The following FGFR2 variants were observed in gnomAD, a reference collection of about 807,000 sequenced individuals.
FGFR2 encodes BEK fibroblast growth factor receptor.
In FGFR2, 19 loss-of-function variants were observed where a neutral mutation model predicts 95.9. The observed-to-expected ratio is 0.20, with a 90% CI of 0.14 to 0.29. The LOEUF (loss-of-function observed/expected upper bound fraction) is 0.29. FGFR2 is among the 10% of genes least tolerant of loss of function. FGFR2 has a pLI of 1.00. For synonymous variants in FGFR2, 392 were observed against 393.3 expected (o/e 1.00, Z 0.04); for missense variants, 707 against 1,056.9 (o/e 0.67, Z 4.59).
chr10:121,580,110 ACACTGCGCACTTT>A (rs1285535086), intron 2 of FGFR2, among the ~76,000 whole-genome samples: 2 of 152,192 alleles, frequency 1.3e-5, no homozygotes, highest in East Asian at 3.9e-4. Flanking sequence ...AGGCCCTCCC[ACACTGCGCACTTT>A]CTGAATAAAG....
intron 4 of FGFR2, among the ~76,000 whole-genome samples, chr10:121,562,051 AG>A (rs1857060434): frequency 6.6e-6 from 1 of 152,208 alleles, no homozygotes; most frequent in Non-Finnish European, 1.5e-5. Context: ...AATGATGTGG[AG>A]CAACAGGAAC....
Position 121,517,376 on chromosome 10 carries a change from A to G in FGFR2, c.1027T>C (p.Leu343=), listed in dbSNP as rs1278836586. 6.2e-7 allele frequency: 1 copy of G among 1,614,134 alleles called. No individual in the cohort carries two copies. Among genetic ancestry groups the G allele is most frequent in the Non-Finnish European group, 8.5e-7 (1 of 1,180,044 alleles). ...TFEDAGEYTC[L]AGNSIGISFH... The stretch of plus-strand genomic sequence containing the variant: ...GATATCCCAATAGAATTACCCGCCA[A>G]GCACGTATATTCCCCAGCGTCCTCA... The change falls in exon 8 of 18, where the codon TTG becomes CTG. Residue 343 remains leucine (L), a synonymous_variant. Transcript: ENST00000358487. The surrounding 1 kb of genome is among the most constrained non-coding windows in gnomAD (Gnocchi z 4.7).
At chr10:121,566,241 T>C (rs2981449) in intron 2 of FGFR2, among the ~76,000 whole-genome samples, 91,369 of 151,974 alleles carry the variant, frequency 0.6, 27,951 homozygotes, top group African/African-American at 0.71. Flanking sequence ...TTTTTTGCCA[T>C]CCAGAGTTTT....
chr10:121,487,286 G>A (rs1845544755), intron 15 of FGFR2, 68 bp downstream of exon 15: 2 of 1,254,118 alleles, frequency 1.6e-6, no homozygotes, highest in African/African-American at 1.5e-5. Flanking sequence ...AAGGAAGAAA[G>A]GTGAAGTACG....
chr10:121,571,054 T>C (rs879447363), intron 2 of FGFR2, among the ~76,000 whole-genome samples: 6 of 151,758 alleles, frequency 4.0e-5, no homozygotes, highest in Admixed American at 6.6e-5. Flanking sequence ...AGTGGCGCGA[T>C]CTTGGCTCAC....
Position 121,518,183 on chromosome 10 carries a change from A to G in FGFR2, c.940-720T>C. 3.3e-6 allele frequency: 1 copy of G among 301,206 alleles called. No individual in the cohort carries two copies. Among genetic ancestry groups the G allele is most frequent in the Non-Finnish European group, 6.4e-6 (1 of 155,670 alleles). The allele number at this position is 301,206 out of a possible 1,614,324, so 18.7% of individuals were successfully genotyped here. A position where few individuals can be genotyped will look rare whatever the true frequency, so the allele number is the denominator to read the frequency against. ...CATTCATTAAGATGAGCTCCCCTCA[A>G]ATTTGGTGCAACAAGGTCAAGAACA... On this transcript the variant is annotated intron_variant, in intron 7 of 17. Coordinates refer to ENST00000358487, the MANE Select transcript of FGFR2 (RefSeq NM_000141.5). This position sits in a 1 kb window ranked among gnomAD's most constrained non-coding sequence, Gnocchi z 4.0.
At position 121,511,759 on chromosome 10, in the gene FGFR2, TCTC is replaced by T. The variant is rs1849084857; in HGVS notation, c.1287+3355_1287+3357del. Among the ~76,000 whole-genome samples the T allele has an allele frequency of 2.0e-5, 3 of 152,174 alleles. No individual in the cohort carries two copies. In the South Asian group the frequency reaches 6.2e-4, roughly 31 times the overall value. On this transcript the variant is annotated intron_variant, in intron 9 of 17. Coordinates refer to ENST00000358487, the MANE Select transcript of FGFR2 (RefSeq NM_000141.5). ...TGCCTCCCACCACCCAAAAGTTGCT[TCTC>T]CTTCTTCAACCATGTGCATACAAAG...
chr10:121,564,368 G>C (rs536815454), intron 4 of FGFR2, 134 bp downstream of exon 4: 1 of 796,880 alleles, frequency 1.3e-6, no homozygotes, highest in East Asian at 2.5e-5. Context: ...AGTCAGGAAA[G>C]TAGACACAGC....
intron 5 of FGFR2, among the ~76,000 whole-genome samples, chr10:121,548,245 C>CGTTTTT (rs1854827612): frequency 2.1e-5 from 1 of 46,668 alleles, no homozygotes; most frequent in Non-Finnish European, 4.1e-5. Context: ...CGCTTTTGGC[C>CGTTTTT]TTTTTTTTTT....
intron 2 of FGFR2, among the ~76,000 whole-genome samples, chr10:121,574,586 A>C (rs976402723): frequency 6.6e-6 from 1 of 152,144 alleles, no homozygotes; most frequent in African/African-American, 2.4e-5. Flanking sequence ...GAGTCCCGCC[A>C]TTGAAGTCAG....
chr10:121,495,341 C>T (rs1846646860), intron 13 of FGFR2, among the ~76,000 whole-genome samples: 1 of 151,810 alleles, frequency 6.6e-6, no homozygotes, highest in South Asian at 2.1e-4. Flanking sequence ...AAGGCAAAAC[C>T]CCGTCTCTAC....
chr10:121,514,439 A>G (rs1053989532), intron 9 of FGFR2, among the ~76,000 whole-genome samples: 1 of 152,200 alleles, frequency 6.6e-6, no homozygotes, highest in African/African-American at 2.4e-5. Flanking sequence ...GCAACCACCA[A>G]AGACCAAGTT....
intron 5 of FGFR2, among the ~76,000 whole-genome samples, chr10:121,546,936 G>A (rs1854603712): frequency 6.6e-6 from 1 of 152,128 alleles, no homozygotes; most frequent in Non-Finnish European, 1.5e-5. Context: ...AAATAAACTG[G>A]CAAATGGGAC....
chr10:121,511,165 A>G (rs942478748), intron 9 of FGFR2, among the ~76,000 whole-genome samples: 1 of 151,962 alleles, frequency 6.6e-6, no homozygotes, highest in Non-Finnish European at 1.5e-5. Flanking sequence ...AGGTGAAACT[A>G]AAGTCTGAAA....
At chr10:121,558,792 T>C (rs1368501570) in intron 4 of FGFR2, among the ~76,000 whole-genome samples, 2 of 151,986 alleles carry the variant, frequency 1.3e-5, no homozygotes, top group African/African-American at 4.8e-5. Context: ...TTTCACCATA[T>C]TGGCCAGGCT....
intron 2 of FGFR2, among the ~76,000 whole-genome samples, chr10:121,580,571 A>C (rs1860694712): frequency 6.6e-6 from 1 of 152,078 alleles, no homozygotes; most frequent in African/African-American, 2.4e-5. Context: ...GGTTCCCCAC[A>C]CTGCCTTCGG....
intron 1 of FGFR2, chr10:121,594,245 G>A (rs1438870590): frequency 1.8e-5 from 7 of 385,086 alleles, no homozygotes; most frequent in Non-Finnish European, 2.9e-5. Flanking sequence ...ACTTCAGTGA[G>A]GCAATGTGTG....
chr10:121,593,944 G>T lies in FGFR2; in HGVS notation c.-127C>A. ...GCCTGCGGTGGGCTCAGGAACCGAG[G>T]CGCTGCCGCTGCTGCTGCAGTCACT... On this transcript the variant is annotated 5_prime_UTR_variant, in exon 2 of 18. Transcript: ENST00000358487. 1.2e-6 allele frequency: 1 copy of T among 839,218 alleles called. No individual in the cohort carries two copies. The highest frequency in any genetic ancestry group is 1.4e-5 in the South Asian group (1 of 71,096). 52.0% of individuals were successfully genotyped at this position (839,218 alleles called of 1,614,324 possible).
chr10:121,545,979 G>T (rs1471120301), intron 5 of FGFR2, among the ~76,000 whole-genome samples: 2 of 152,068 alleles, frequency 1.3e-5, no homozygotes, highest in Non-Finnish European at 2.9e-5. Context: ...TCTGTCCTGC[G>T]ATCTCTCTTG....
Sources: gnomAD v4.1 joint callset for allele counts (sites outside exome capture counted in the v4.1 genomes callset) on GRCh38, gnomAD v4.1.1 for gene constraint, Gnocchi (gnomAD v3.1) non-coding constraint, MANE v1.5 for transcripts, NCBI Gene and HGNC (gene_info 2026-07-23, HGNC 2026-07-21) for gene names.